ERG: variants seen among roughly 807,000 people sequenced by gnomAD.
The protein encoded by ERG is ETS transcription factor ERG.
In ERG, 9 loss-of-function variants were observed where a neutral mutation model predicts 55.3. The observed-to-expected ratio is 0.16, with a 90% CI of 0.10 to 0.28. ERG has a LOEUF of 0.28. Ranked by LOEUF, ERG falls within the 10% of genes least tolerant of loss-of-function variation. The pLI, the probability that ERG is intolerant of heterozygous loss-of-function variation, is 1.00. For missense variants in ERG, 434 were observed against 631.6 expected, an observed-to-expected ratio of 0.69 and a Z score of 3.35; for synonymous variants, 223 against 237.3, an observed-to-expected ratio of 0.94 and a Z score of 0.55.
At chr21:38,378,295 A>C (rs1322215550), downstream of ERG, among the ~76,000 whole-genome samples, 1 of 152,212 alleles carries the variant, frequency 6.6e-6, no homozygotes, top group Non-Finnish European at 1.5e-5. Flanking sequence ...TGTGCTGCCA[A>C]ACACCTGGCA....
intron 1 of ERG, among the ~76,000 whole-genome samples, chr21:38,635,485 T>G (rs773543113): frequency 2.0e-5 from 3 of 151,948 alleles, no homozygotes; most frequent in Non-Finnish European, 4.4e-5. Flanking sequence ...TATGCATAAA[T>G]AAAGAAATAG....
chr21:38,547,778 T>C (rs1568902742), intron 2 of ERG, among the ~76,000 whole-genome samples: 1 of 152,178 alleles, frequency 6.6e-6, no homozygotes, highest in African/African-American at 2.4e-5. Flanking sequence ...ATCAAAATAG[T>C]TCCCTGAATC....
intron 2 of ERG, among the ~76,000 whole-genome samples, chr21:38,520,477 G>A (rs1439494168): frequency 2.0e-5 from 3 of 152,218 alleles, no homozygotes; most frequent in Non-Finnish European, 4.4e-5. Flanking sequence ...AGGTGGGCAA[G>A]AGCCAGATCC....
chr21:38,401,837 C>T (rs1046586574), intron 5 of ERG, among the ~76,000 whole-genome samples: 1 of 152,044 alleles, frequency 6.6e-6, no homozygotes, highest in Admixed American at 6.6e-5. Context: ...GAGCGGGGGG[C>T]GAGGGAGGAA....
chr21:38,611,751 T>C (rs1305061621), intron 1 of ERG, among the ~76,000 whole-genome samples: 1 of 152,254 alleles, frequency 6.6e-6, no homozygotes, highest in Non-Finnish European at 1.5e-5. Flanking sequence ...TGCCTGAGGA[T>C]GGGGACATTC....
chr21:38,645,560 C>T (rs566718500), intron 1 of ERG, among the ~76,000 whole-genome samples: 25 of 152,278 alleles, frequency 1.6e-4, no homozygotes, highest in African/African-American at 5.3e-4. Context: ...GTCAGTTCTG[C>T]GGCTTGGGCT....
At chr21:38,474,882 T>C (rs142902849) in intron 1 of ERG, among the ~76,000 whole-genome samples, 1 of 152,186 alleles carries the variant, frequency 6.6e-6, no homozygotes, top group Non-Finnish European at 1.5e-5. Flanking sequence ...TCGTAGACAA[T>C]ATAGGACCTT....
chr21:38,532,632 G>A (rs890686126), intron 2 of ERG, among the ~76,000 whole-genome samples: 4 of 152,180 alleles, frequency 2.6e-5, no homozygotes, highest in African/African-American at 9.7e-5. Flanking sequence ...CACAGGTCTG[G>A]ATGTGTTCAA....
intron 1 of ERG, among the ~76,000 whole-genome samples, chr21:38,469,286 A>G (rs2059119809): frequency 6.6e-6 from 1 of 152,132 alleles, no homozygotes; most frequent in Non-Finnish European, 1.5e-5. Context: ...TGAGTGACTG[A>G]CTAGTCTATC....
chr21:38,632,421 T>C (rs1390762748), intron 1 of ERG, among the ~76,000 whole-genome samples: 2 of 152,204 alleles, frequency 1.3e-5, no homozygotes, highest in African/African-American at 4.8e-5. Flanking sequence ...GCACTGTTGA[T>C]GGGTGATAGG....
At chr21:38,614,591 A>T (rs752975553) in intron 1 of ERG, among the ~76,000 whole-genome samples, 1 of 152,228 alleles carries the variant, frequency 6.6e-6, no homozygotes, top group Non-Finnish European at 1.5e-5. Context: ...CCCTGGGACC[A>T]TGCAGATGAA....
intron 2 of ERG, among the ~76,000 whole-genome samples, chr21:38,425,546 T>A (rs1989779555): frequency 6.6e-6 from 1 of 152,172 alleles, no homozygotes; most frequent in Non-Finnish European, 1.5e-5. Context: ...AGCTGAGAAG[T>A]ATTAATATTT....
At chr21:38,406,687 C>T (rs557180976) in intron 3 of ERG, among the ~76,000 whole-genome samples, 1 of 151,982 alleles carries the variant, frequency 6.6e-6, no homozygotes, top group African/African-American at 2.4e-5. Context: ...ACTGTACTTC[C>T]TAGAAATAAG....
chr21:38,635,166 C>T (rs1010857719), intron 1 of ERG, among the ~76,000 whole-genome samples: 1 of 152,036 alleles, frequency 6.6e-6, no homozygotes, highest in South Asian at 2.1e-4. Context: ...AGGGAGAGCC[C>T]GGGGCATTTT....
intron 1 of ERG, chr21:38,471,222 T>C (rs1008691416): frequency 2.6e-5 from 4 of 152,188 alleles, no homozygotes; most frequent in Admixed American, 1.3e-4. Flanking sequence ...AAATGACCAC[T>C]TCTTGGTTCT....
At chr21:38,481,935 G>A (rs373047684) in intron 1 of ERG, among the ~76,000 whole-genome samples, 3 of 152,170 alleles carry the variant, frequency 2.0e-5, no homozygotes, top group Non-Finnish European at 4.4e-5. Flanking sequence ...TGTCAAAGTT[G>A]AATATTTCAA....
At chr21:38,573,667 A>G (rs142164353) in intron 2 of ERG, among the ~76,000 whole-genome samples, 1,948 of 152,262 alleles carry the variant, frequency 0.013, 48 homozygotes, top group African/African-American at 0.045. Context: ...CTCCTACTAC[A>G]TTCCTTTTTG....
At chr21:38,645,311 T>C (rs1185907844) in intron 1 of ERG, among the ~76,000 whole-genome samples, 2 of 152,176 alleles carry the variant, frequency 1.3e-5, no homozygotes, top group Admixed American at 6.5e-5. Flanking sequence ...ACTATGGCTA[T>C]AGAGAAACAA....
intron 1 of ERG, among the ~76,000 whole-genome samples, chr21:38,615,392 T>C (rs766364232): frequency 6.6e-6 from 1 of 152,106 alleles, no homozygotes; most frequent in Non-Finnish European, 1.5e-5. Context: ...TAAAATTTCT[T>C]GAGTCCCATT....
Sources: allele counts gnomAD v4.1 joint callset (sites outside exome capture counted in the v4.1 genomes callset), GRCh38; gene constraint gnomAD v4.1.1; transcripts MANE v1.5; gene names NCBI Gene and HGNC (gene_info 2026-07-23, HGNC 2026-07-21).